ASIC2: variants seen among roughly 807,000 people sequenced by gnomAD.
The protein encoded by ASIC2 is acid sensing ion channel subunit 2.
Under a neutral mutation model 57.3 loss-of-function variants are expected in ASIC2, and 25 were observed. The observed-to-expected ratio is 0.44, with a 90% CI of 0.32 to 0.61. The LOEUF (loss-of-function observed/expected upper bound fraction) is 0.61. ASIC2 is among the 20% of genes least tolerant of loss of function. The pLI, the probability that ASIC2 is intolerant of heterozygous loss-of-function variation, is 0.06. For synonymous variants in ASIC2, 319 were observed against 307.5 expected (o/e 1.04, Z -0.39); for missense variants, 641 against 738.1 (o/e 0.87, Z 1.52).
intron 1 of ASIC2, among the ~76,000 whole-genome samples, chr17:33,970,737 G>A (rs971104426): frequency 6.6e-6 from 1 of 152,206 alleles, no homozygotes; most frequent in African/African-American, 2.4e-5. Context: ...AATGCGGTGA[G>A]CACACGCAGA....
At chr17:33,164,446 A>G (rs1905247075) in intron 1 of ASIC2, among the ~76,000 whole-genome samples, 1 of 130,856 alleles carries the variant, frequency 7.6e-6, no homozygotes. Flanking sequence ...GGGTAATTGG[A>G]TGCAGAGTTT....
At chr17:33,787,371 A>G (rs1317588445) in intron 1 of ASIC2, among the ~76,000 whole-genome samples, 3 of 152,210 alleles carry the variant, frequency 2.0e-5, no homozygotes, top group Non-Finnish European at 4.4e-5. Flanking sequence ...GTATTCACAC[A>G]TTCCCCAGGA....
intron 1 of ASIC2, among the ~76,000 whole-genome samples, chr17:33,342,382 GC>G (rs1431125664): frequency 6.6e-6 from 1 of 151,364 alleles, no homozygotes; most frequent in Non-Finnish European, 1.5e-5. Context: ...ACACATTTGT[GC>G]AGGTTTATGT....
chr17:33,615,847 A>C (rs1261388285), intron 1 of ASIC2, among the ~76,000 whole-genome samples: 4 of 152,250 alleles, frequency 2.6e-5, no homozygotes, highest in African/African-American at 4.8e-5. Context: ...AACCTTGGCC[A>C]AGCCACATCC....
intron 1 of ASIC2, among the ~76,000 whole-genome samples, chr17:34,086,823 T>C (rs1035523699): frequency 1.3e-5 from 2 of 152,230 alleles, no homozygotes; most frequent in Non-Finnish European, 2.9e-5. Context: ...TGATCTTTGT[T>C]GGTTTAAAGT....
chr17:33,332,065 G>T (rs1240207778), intron 1 of ASIC2, among the ~76,000 whole-genome samples: 1 of 152,196 alleles, frequency 6.6e-6, no homozygotes, highest in Non-Finnish European at 1.5e-5. Flanking sequence ...AAGGCTAAAA[G>T]CTACTGCTTT....
chr17:33,150,781 C>T (rs756874255), intron 1 of ASIC2, among the ~76,000 whole-genome samples: 3 of 67,440 alleles, frequency 4.4e-5, no homozygotes, highest in Admixed American at 4.3e-4. Context: ...ACCCGGGAGG[C>T]GGAGCTTGCA....
chr17:33,720,856 A>G (rs1909368737), intron 1 of ASIC2, among the ~76,000 whole-genome samples: 1 of 152,212 alleles, frequency 6.6e-6, no homozygotes, highest in Non-Finnish European at 1.5e-5. Context: ...ATCATACTGC[A>G]GAAAGGGAAG....
At chr17:33,171,709 G>C (rs1360326853) in intron 1 of ASIC2, among the ~76,000 whole-genome samples, 1 of 152,200 alleles carries the variant, frequency 6.6e-6, no homozygotes, top group East Asian at 1.9e-4. Context: ...CCTCAGACTA[G>C]AAATAGAATC....
rs115821663 is a variant in ASIC2 at position 33,310,719 on chromosome 17, G to A, written c.556-198652C>T. 4.3e-3 allele frequency among the ~76,000 whole-genome samples: 652 copies of A among 152,244 alleles called. 6 individuals are homozygous for A. The highest frequency in any genetic ancestry group is 0.015 in the African/African-American group (612 of 41,540). The stretch of plus-strand genomic sequence containing the variant: ...ACTCATATAGAGTCCAAGACACAGC[G>A]TCTTCTCTTGGAACATGCACCTGCT... On this transcript the variant is annotated intron_variant, in intron 1 of 9. Transcript: ENST00000359872.
intron 1 of ASIC2, chr17:34,039,326 G>T: frequency 2.5e-6 from 4 of 1,613,932 alleles, no homozygotes; most frequent in Non-Finnish European, 3.4e-6. Context: ...GTAGATGAGG[G>T]ACTGTTTTGC....
intron 1 of ASIC2, among the ~76,000 whole-genome samples, chr17:33,184,990 G>C (rs1226583465): frequency 4.6e-5 from 7 of 152,168 alleles, no homozygotes; most frequent in Non-Finnish European, 5.9e-5. Context: ...ACTCCTTTGA[G>C]AGCATTAATG....
At chr17:33,302,976 C>T (rs867680193) in intron 1 of ASIC2, among the ~76,000 whole-genome samples, 3 of 152,178 alleles carry the variant, frequency 2.0e-5, no homozygotes, top group Admixed American at 6.5e-5. Context: ...TAGATTAAAT[C>T]GTAATGGCCA....
chr17:33,411,667 G>A (rs867437044), intron 1 of ASIC2, among the ~76,000 whole-genome samples: 11 of 152,148 alleles, frequency 7.2e-5, no homozygotes, highest in Non-Finnish European at 8.8e-5. Context: ...AGAACCAGAG[G>A]GGCAATAGGA....
chr17:34,040,616 G>C (rs186028798), intron 1 of ASIC2, among the ~76,000 whole-genome samples: 266 of 152,304 alleles, frequency 1.7e-3, no homozygotes, highest in African/African-American at 6.0e-3. Context: ...CCAGGTGAGA[G>C]AGTCATCATT....
chr17:34,018,782 T>C (rs1459782428), intron 1 of ASIC2, among the ~76,000 whole-genome samples: 1 of 152,210 alleles, frequency 6.6e-6, no homozygotes, highest in Non-Finnish European at 1.5e-5. Context: ...CTTTCTAAGG[T>C]TTAAGAAGAA....
chr17:33,342,970 G>A (rs1277533545), intron 1 of ASIC2, among the ~76,000 whole-genome samples: 2 of 152,188 alleles, frequency 1.3e-5, no homozygotes, highest in Admixed American at 6.5e-5. Flanking sequence ...GCACATCCAA[G>A]GGGCATATGT....
intron 1 of ASIC2, among the ~76,000 whole-genome samples, chr17:33,350,703 G>GAAAGAAAGAAAGAAAGAAAGAAAGAAAA (rs1223082914): frequency 6.6e-6 from 1 of 151,728 alleles, no homozygotes; most frequent in Non-Finnish European, 1.5e-5. Context: ...AAGAAAGAAA[G>GAAAGAAAGAAAGAAAGAAAGAAAGAAAA]AAAGAAAGAA....
At chr17:33,085,291 T>A (rs1410581292) in intron 3 of ASIC2, among the ~76,000 whole-genome samples, 1 of 152,244 alleles carries the variant, frequency 6.6e-6, no homozygotes, top group Admixed American at 6.5e-5. Context: ...AGATGCACCA[T>A]GATTTTATGT....
Sources: gnomAD v4.1 joint callset for allele counts (sites outside exome capture counted in the v4.1 genomes callset) on GRCh38, gnomAD v4.1.1 for gene constraint, MANE v1.5 for transcripts, NCBI Gene and HGNC (gene_info 2026-07-23, HGNC 2026-07-21) for gene names.